CCDC32: variants seen among roughly 807,000 people sequenced by gnomAD.
The protein encoded by CCDC32 is coiled-coil domain-containing protein 32.
In CCDC32, 9 loss-of-function variants were observed where a neutral mutation model predicts 20.1. That is an observed-to-expected ratio of 0.45 (90% confidence interval 0.27 to 0.78). The LOEUF is 0.78. Ranked by LOEUF, CCDC32 falls within the 30% of genes least tolerant of loss-of-function variation. The pLI, the probability that CCDC32 is intolerant of heterozygous loss-of-function variation, is 0.16. For synonymous variants in CCDC32, 63 were observed against 79.0 expected (o/e 0.80, Z 1.07); for missense variants, 204 against 215.5 (o/e 0.95, Z 0.33).
chr15:40,556,847 A>T (rs1475832997), intron 3 of CCDC32: 2 of 158,924 alleles, frequency 1.3e-5, no homozygotes, highest in African/African-American at 4.8e-5. Context: ...CAAAAAAAAA[A>T]AAAAAAAATC....
chr15:40,525,296 G>A (rs1257367368), downstream of CCDC32, among the ~76,000 whole-genome samples: 2 of 152,030 alleles, frequency 1.3e-5, no homozygotes, highest in East Asian at 3.9e-4. Flanking sequence ...CCAAATTGGT[G>A]GGATTACAGG....
In CCDC32 at chr15:40,553,981, G is replaced by A; in HGVS notation, c.548C>T (p.Ala183Val). The change falls in exon 4 of 4, where the codon GCA becomes GTA. Residue 183 changes from alanine to valine, a missense_variant. By Grantham distance (64) the Ala-to-Val change is moderately conservative. Transcript: ENST00000416810. Reference sequence around the variant, plus strand: ...GTGTGTGTGTGTAATTTACTGTTCTGCTGCTGCTGGCTTGTCCCCGGCTGC... The same window carrying A: ...GTGTGTGTGTGTAATTTACTGTTCTACTGCTGCTGGCTTGTCCCCGGCTGC... ...EPAAGDKPAA[A>V]EQ 6.3e-7 allele frequency: 1 copy of A among 1,592,346 alleles called. No homozygotes were observed. Among genetic ancestry groups the A allele is most frequent in the Non-Finnish European group, 8.5e-7 (1 of 1,171,598 alleles).
In CCDC32 at chr15:40,563,030, A is replaced by G. The variant is rs772823331; in HGVS notation, c.-12-3T>C. ...AACATTTTCATTTGGAATCTGAGCT[A>G]TAAAACAGAAGCTCAAGTGAGTAAG... is the stretch of plus-strand genomic sequence containing the variant. On this transcript the variant is annotated splice_region_variant and splice_polypyrimidine_tract_variant and intron_variant, in intron 1 of 3. Coordinates refer to ENST00000416810, the MANE Select transcript of CCDC32 (RefSeq NM_001080792.4). 5 of 1,612,808 alleles carry G rather than the reference A, an allele frequency of 3.1e-6. No individual in the cohort carries two copies. The highest frequency in any genetic ancestry group is 4.2e-6 in the Non-Finnish European group (5 of 1,179,610).
downstream of CCDC32, chr15:40,531,297 C>T (rs1326302637): frequency 2.0e-5 from 3 of 150,966 alleles, no homozygotes; most frequent in Non-Finnish European, 4.4e-5. Context: ...AAAACTTCAC[C>T]TATACCCCTT....
At chr15:40,562,323 C>T (rs1890696505) in intron 2 of CCDC32, 1 of 156,106 alleles carries the variant, frequency 6.4e-6, no homozygotes, top group Non-Finnish European at 1.4e-5. Flanking sequence ...CCTGTAATCC[C>T]AGCACTTTGG....
intron 1 of CCDC32, 39 bp downstream of exon 1, chr15:40,564,937 G>T: frequency 2.4e-6 from 2 of 848,898 alleles, no homozygotes; most frequent in Non-Finnish European, 3.7e-6. Flanking sequence ...CAGAGTGGGA[G>T]ATCCAAAACG....
At chr15:40,529,293 G>A (rs1297688740) in intron 3 of CCDC32, among the ~76,000 whole-genome samples, 2 of 152,208 alleles carry the variant, frequency 1.3e-5, no homozygotes, top group Admixed American at 1.3e-4. Flanking sequence ...CCTGAACCTG[G>A]TGAAATTGTG....
chr15:40,522,266 A>G, the CCDC32 span, among the ~76,000 whole-genome samples: 1 of 152,246 alleles, frequency 6.6e-6, no homozygotes, highest in Non-Finnish European at 1.5e-5. Flanking sequence ...TCAATTAATC[A>G]TAAATGAAAG....
chr15:40,542,829 G>T (rs906820407), intron 3 of CCDC32, among the ~76,000 whole-genome samples: 13 of 150,934 alleles, frequency 8.6e-5, no homozygotes, highest in African/African-American at 2.9e-4. Context: ...CAGCCTGGGG[G>T]ACAGAGCGAG....
rs977620926 is a variant in CCDC32, at chr15:40,563,101, G to A, written c.-12-74C>T. 15 of 1,507,132 alleles carry A rather than the reference G, an allele frequency of 1.0e-5. No homozygotes were observed. The African/African-American group carries it at 1.8e-4, about 18-fold the overall frequency. The allele number at this position is 1,507,132 out of a possible 1,614,324, so 93.4% of individuals were successfully genotyped here. A position where few individuals can be genotyped will look rare whatever the true frequency, so the allele number is the denominator to read the frequency against. ...CATAAGGTTGAGCACAGTGGCTCAC[G>A]ACTGTAATCCCAACACTTTGGGAAG... On this transcript the variant is annotated intron_variant, in intron 1 of 3. Transcript: ENST00000416810.
At chr15:40,532,689 T>C (rs1888925687), downstream of CCDC32, among the ~76,000 whole-genome samples, 1 of 151,566 alleles carries the variant, frequency 6.6e-6, no homozygotes, top group Admixed American at 6.6e-5. Flanking sequence ...ATAATTTAAT[T>C]GTTTTACTTG....
rs189351503 is a variant in CCDC32, at chr15:40,556,098, C to G, written c.401+1118G>C. 1.9e-3 allele frequency among the ~76,000 whole-genome samples: 296 copies of G among 152,352 alleles called. 1 individual carries two copies. The highest frequency in any genetic ancestry group is 6.7e-3 in the African/African-American group (277 of 41,578). On this transcript the variant is annotated intron_variant, in intron 3 of 3. Transcript: ENST00000416810. ...AGGAAACTGAGGCACACATAGGTTACTTACCCAAGAACATACAACCAGTAA... is the reference window on the plus strand; with the variant it reads ...AGGAAACTGAGGCACACATAGGTTAGTTACCCAAGAACATACAACCAGTAA...
At chr15:40,545,938 T>C (rs1889600798) in intron 3 of CCDC32, among the ~76,000 whole-genome samples, 2 of 152,182 alleles carry the variant, frequency 1.3e-5, no homozygotes, top group Admixed American at 6.5e-5. Flanking sequence ...CTCTCTCTCT[T>C]CACCTTCTGA....
At chr15:40,542,324 T>C (rs1016270433) in intron 3 of CCDC32, among the ~76,000 whole-genome samples, 15 of 152,366 alleles carry the variant, frequency 9.8e-5, no homozygotes, top group Admixed American at 3.3e-4. Context: ...CCTTCAAATA[T>C]TTTAAAGCCA....
downstream of CCDC32, chr15:40,531,206 C>T (rs1007506192): frequency 2.0e-4 from 31 of 151,484 alleles, no homozygotes; most frequent in African/African-American, 7.5e-4. Context: ...GATAGGAAAT[C>T]AGGGGGTACA....
chr15:40,564,855 T>G (rs1428318648), intron 1 of CCDC32, 121 bp downstream of exon 1: 16 of 1,593,616 alleles, frequency 1.0e-5, no homozygotes, highest in Non-Finnish European at 1.4e-5. Flanking sequence ...CCTCAGTCGC[T>G]CAGGTCTCTA....
At chr15:40,557,057 T>C (rs1222045110) in intron 3 of CCDC32, 159 bp downstream of exon 3, 40 of 727,638 alleles carry the variant, frequency 5.5e-5, no homozygotes, top group Non-Finnish European at 8.1e-5. Flanking sequence ...AACACAATGC[T>C]TTATCCTTAA....
intron 3 of CCDC32, chr15:40,528,883 G>T (rs1894933641): frequency 9.2e-6 from 6 of 653,544 alleles, no homozygotes; most frequent in Non-Finnish European, 1.1e-5. Flanking sequence ...GATTTCCAAG[G>T]ACAGACTCGT....
At chr15:40,557,157 C>T in intron 3 of CCDC32, 59 bp downstream of exon 3, 2 of 1,535,612 alleles carry the variant, frequency 1.3e-6, no homozygotes. Context: ...GGGCTAAAAA[C>T]AAATAGAACA....
Sources: gnomAD v4.1 joint callset for allele counts (sites outside exome capture counted in the v4.1 genomes callset) on GRCh38, gnomAD v4.1.1 for gene constraint, MANE v1.5 for transcripts, NCBI Gene and HGNC (gene_info 2026-07-23, HGNC 2026-07-21) for gene names.